The following CHD4 variants were observed in gnomAD, a reference collection of about 807,000 sequenced individuals.
The protein encoded by CHD4 is chromodomain helicase DNA binding protein 4, also known as ATP-dependent chromatin remodeler CHD4.
A neutral mutation model predicts 235.5 loss-of-function variants in CHD4; 35 were observed. That is an observed-to-expected ratio of 0.15 (90% CI 0.11 to 0.20). The LOEUF is 0.20. Among genes scored for constraint, CHD4 ranks in the 10% least tolerant of loss-of-function variants. CHD4 has a pLI of 1.00. For synonymous variants in CHD4, 900 were observed against 850.2 expected (o/e 1.06, Z -1.02); for missense variants, 1,329 against 2,432.3 (o/e 0.55, Z 9.54).
chr12:6,599,979 C>T lies in CHD4; in HGVS notation c.1276G>A (p.Asp426Asn), dbSNP rs1398991397. 1 of 1,614,178 alleles carries T rather than the reference C, an allele frequency of 6.2e-7. No homozygotes were observed. The highest frequency in any genetic ancestry group is 8.5e-7 in the Non-Finnish European group (1 of 1,180,026). ...AGGATCTCCTCACCCTCCGAATTGT[C>T]CTCTTTAGCTTCCCACTGGATGCCT... is the stretch of plus-strand genomic sequence containing the variant. ...KEGIQWEAKE[D>N]NSEGEEILEE... The change falls in exon 10 of 40, where the codon GAC (aspartate) becomes AAC (asparagine). Residue 426 changes from aspartate to asparagine, a missense_variant. Physicochemically the swap from Asp to Asn is conservative, Grantham distance 23. This residue lies in a region of CHD4 where 37 missense variants were observed against 49.9 expected (regional missense o/e 0.74). Transcript: ENST00000544040.
Position 6,600,026 on chromosome 12 carries a change from CCA to C in CHD4, c.1243-16_1243-15del, listed in dbSNP as rs1318309874. 1.2e-6 allele frequency: 2 copies of C among 1,613,514 alleles called. No individual in the cohort carries two copies. Among genetic ancestry groups the C allele is most frequent in the East Asian group, 2.2e-5 (1 of 44,870 alleles). On this transcript the variant is annotated splice_polypyrimidine_tract_variant and intron_variant, in intron 9 of 39. Transcript: ENST00000544040. ...GCCTTCCTTCTCCTGCAGTAAAGGACCACAGATTCAGATTATTACCCCCACCC... is the reference window on the plus strand; with the variant it reads ...GCCTTCCTTCTCCTGCAGTAAAGGACCAGATTCAGATTATTACCCCCACCC...
At chr12:6,605,252 C>G (rs895761961) in intron 2 of CHD4, among the ~76,000 whole-genome samples, 4 of 151,754 alleles carry the variant, frequency 2.6e-5, no homozygotes, top group African/African-American at 9.7e-5. Flanking sequence ...GAGAAGAAAA[C>G]TAGAAGCAGA....
chr12:6,600,394 G>A lies in CHD4; in HGVS notation c.1065C>T (p.Gly355=), dbSNP rs768624271. 5.0e-6 allele frequency: 8 copies of A among 1,613,824 alleles called. No individual in the cohort carries two copies. The highest frequency in any genetic ancestry group is 2.2e-5 in the East Asian group (1 of 44,856). ...CATCCACAGCAGTCACCTCCTCCTC[G>A]CCTGGGCAAGGAAGAGGGAAAGCCC... ...KLRTTKKKKK[G]EEEVTAVDGY... is the part of the protein sequence containing the mutation. The change falls in exon 9 of 40, where the codon GGC becomes GGT. Residue 355 remains glycine (G), a splice_region_variant and synonymous_variant. Transcript: ENST00000544040.
chr12:6,585,112 C>T (rs1002462295), intron 25 of CHD4, among the ~76,000 whole-genome samples: 5 of 152,256 alleles, frequency 3.3e-5, no homozygotes, highest in African/African-American at 1.2e-4. Flanking sequence ...GAACCCGGAG[C>T]TGAGTGGTTT....
chr12:6,605,933 AC>A (rs1200327626), intron 2 of CHD4, among the ~76,000 whole-genome samples: 3 of 151,688 alleles, frequency 2.0e-5, no homozygotes, highest in Admixed American at 1.3e-4. Context: ...CCCCTCCACC[AC>A]CACCACCACA....
At chr12:6,582,042 A>T (rs962770833) in intron 30 of CHD4, 95 bp downstream of exon 30, 5 of 1,352,514 alleles carry the variant, frequency 3.7e-6, no homozygotes, top group Non-Finnish European at 5.0e-6. Context: ...ACCTCAAGTG[A>T]TCCACCCGCC....
chr12:6,576,345 G>A (rs1948070577), intron 37 of CHD4, among the ~76,000 whole-genome samples: 1 of 152,036 alleles, frequency 6.6e-6, no homozygotes, highest in African/African-American at 2.4e-5. Context: ...AACACATCAA[G>A]ACACTGTCTC....
chr12:6,592,642 C>A, intron 18 of CHD4, 54 bp downstream of exon 18: 1 of 1,586,812 alleles, frequency 6.3e-7, no homozygotes, highest in Non-Finnish European at 8.6e-7. Context: ...AAATGGGCAA[C>A]AGGAAGAATG....
chr12:6,605,885 G>A (rs1401742211), intron 2 of CHD4, among the ~76,000 whole-genome samples: 1 of 152,152 alleles, frequency 6.6e-6, no homozygotes, highest in Non-Finnish European at 1.5e-5. Context: ...TACTAGCACA[G>A]ATGCCCGGCT....
intron 1 of CHD4, 151 bp from the exon 2 acceptor site, chr12:6,606,602 G>A (rs1948705270): frequency 1.7e-5 from 7 of 415,306 alleles, no homozygotes; most frequent in Admixed American, 4.5e-5. Flanking sequence ...CACTCCTCGG[G>A]GGCAGCCCGG....
At chr12:6,573,656 ATAT>A (rs1230904864) in intron 37 of CHD4, among the ~76,000 whole-genome samples, 2 of 152,038 alleles carry the variant, frequency 1.3e-5, no homozygotes, top group African/African-American at 4.8e-5. Flanking sequence ...ATACATACCC[ATAT>A]TATGTTTTCA....
At chr12:6,587,336 T>A in intron 25 of CHD4, 48 bp downstream of exon 25, 1 of 1,581,734 alleles carries the variant, frequency 6.3e-7, no homozygotes, top group Admixed American at 1.8e-5. Context: ...TCAATGCCAA[T>A]TTTCAGACCA....
In CHD4 at chr12:6,600,907, C is replaced by T. The variant is rs771364986; in HGVS notation, c.927+19G>A. On this transcript the variant is annotated intron_variant, in intron 7 of 39. Transcript: ENST00000544040. ...ATTAGACATGGCACCCTCCCTAAAG[C>T]GATGGGCTGGGCTCTCACCGAGGAT... is the stretch of plus-strand genomic sequence containing the variant. The T allele has an allele frequency of 6.4e-6, 10 of 1,560,140 alleles. No individual in the cohort carries two copies. In the African/African-American group the frequency reaches 9.6e-5, roughly 15 times the overall value.
At chr12:6,590,396 T>C (rs931367666) in intron 22 of CHD4, among the ~76,000 whole-genome samples, 6 of 152,242 alleles carry the variant, frequency 3.9e-5, no homozygotes, top group Non-Finnish European at 5.9e-5. Context: ...TTTTGATCAT[T>C]GTACTGCAGT....
rs760063868 is a variant in CHD4 at position 6,593,651 on chromosome 12, C to T, written c.2314-35G>A. 1 of 1,595,518 alleles carries T rather than the reference C, an allele frequency of 6.3e-7. No individual in the cohort carries two copies. Among genetic ancestry groups the T allele is most frequent in the Admixed American group, 1.7e-5 (1 of 59,672 alleles). Reference sequence around the variant, plus strand: ...AAAAGAGGAGAGTCAGGACTGAGGGCCCCAGCACACTGCAACCCCAGCGAA... The same window carrying T: ...AAAAGAGGAGAGTCAGGACTGAGGGTCCCAGCACACTGCAACCCCAGCGAA... On this transcript the variant is annotated intron_variant, in intron 15 of 39. Transcript: ENST00000544040. The surrounding 1 kb of genome is among the most constrained non-coding windows in gnomAD (Gnocchi z 4.9).
At chr12:6,581,901 C>G in intron 30 of CHD4, 87 bp from the exon 31 acceptor site, 1 of 1,432,634 alleles carries the variant, frequency 7.0e-7, no homozygotes, top group Non-Finnish European at 9.3e-7. Context: ...CTCCCGGGTT[C>G]AAGCAATTCT....
At position 6,600,197 on chromosome 12, in the gene CHD4, C is replaced by A; in HGVS notation, c.1242+20G>T. On this transcript the variant is annotated intron_variant, in intron 9 of 39. Coordinates refer to ENST00000544040, the MANE Select transcript of CHD4 (RefSeq NM_001273.5). ...CTTCTTCTCATGGGTTCCAAGGGGC[C>A]ACAATGGCCAGACACTCACGCAGTG... 1.2e-6 allele frequency: 2 copies of A among 1,612,756 alleles called. No individual in the cohort carries two copies. The highest frequency in any genetic ancestry group is 1.7e-6 in the Non-Finnish European group (2 of 1,179,226).
In CHD4 at chr12:6,606,464, G is replaced by A. The variant is rs191458955; in HGVS notation, c.-78-13C>T. 4.4e-6 allele frequency: 3 copies of A among 676,902 alleles called. No individual in the cohort carries two copies. Among genetic ancestry groups the A allele is most frequent in the Non-Finnish European group, 4.9e-6 (2 of 405,290 alleles). The allele number at this position is 676,902 out of a possible 1,614,324, so 41.9% of individuals were successfully genotyped here. A position where few individuals can be genotyped will look rare whatever the true frequency, so the allele number is the denominator to read the frequency against. On this transcript the variant is annotated splice_polypyrimidine_tract_variant and intron_variant, in intron 1 of 39. Transcript: ENST00000544040. Reference sequence around the variant, plus strand: ...CTGGCCCGAGTCACTGTGCGGGGGAGGGGGGAGAAACACAGAACAGTCAGT... The same window carrying A: ...CTGGCCCGAGTCACTGTGCGGGGGAAGGGGGAGAAACACAGAACAGTCAGT...
intron 37 of CHD4, among the ~76,000 whole-genome samples, chr12:6,576,230 G>C (rs554007807): frequency 2.0e-5 from 3 of 152,144 alleles, no homozygotes; most frequent in Non-Finnish European, 2.9e-5. Context: ...GGTGGCACAC[G>C]CCTGTTGTCC....
Sources: gnomAD v4.1 joint callset for allele counts (sites outside exome capture counted in the v4.1 genomes callset) on GRCh38, gnomAD v4.1.1 for gene constraint, gnomAD v4.1.1 regional missense constraint, Gnocchi (gnomAD v3.1) non-coding constraint, MANE v1.5 for transcripts, NCBI Gene and HGNC (gene_info 2026-07-23, HGNC 2026-07-21) for gene names.